The following PLCE1 variants were observed in gnomAD, a reference collection of about 807,000 sequenced individuals.
The protein encoded by PLCE1 is 1-phosphatidylinositol 4,5-bisphosphate phosphodiesterase epsilon-1.
A neutral mutation model predicts 242.8 loss-of-function variants in PLCE1; 119 were observed. That is an observed-to-expected ratio of 0.49 (90% CI 0.42 to 0.57). The LOEUF (loss-of-function observed/expected upper bound fraction) is 0.57, where lower values mean the gene tolerates loss of function less well. PLCE1 is among the 20% of genes least tolerant of loss of function. PLCE1 has a pLI of 0.00. For missense variants in PLCE1, 2,441 were observed against 2,788.8 expected (o/e 0.88, Z 2.81); for synonymous variants, 945 against 1,017.4 (o/e 0.93, Z 1.35).
chr10:94,327,158 C>G (rs1178493433), intron 32 of PLCE1, among the ~76,000 whole-genome samples: 1 of 152,180 alleles, frequency 6.6e-6, no homozygotes, highest in East Asian at 1.9e-4. Flanking sequence ...GAGACTCCGT[C>G]TCAAAACAAA....
chr10:94,298,991 T>C lies in PLCE1; in HGVS notation c.5458+322T>C, dbSNP rs2133543536. ...TTTAAAGCTCTTTTTGGAGCAGGGA[T>C]TTCCTAACACTGCCCAGTTAACCTG... On this transcript the variant is annotated intron_variant, in intron 24 of 32. Transcript: ENST00000371380. The surrounding 1 kb of genome is among the most constrained non-coding windows in gnomAD (Gnocchi z 5.2). Among the ~76,000 whole-genome samples the C allele has an allele frequency of 6.6e-6, 1 of 152,286 alleles. No homozygotes were observed. The highest frequency in any genetic ancestry group is 6.5e-5 in the Admixed American group (1 of 15,298).
chr10:94,270,815 A>G (rs926477479), intron 18 of PLCE1, among the ~76,000 whole-genome samples: 1 of 152,056 alleles, frequency 6.6e-6, no homozygotes, highest in Admixed American at 6.6e-5. Flanking sequence ...GATTACCAGC[A>G]TGCGCCCCCA....
At chr10:94,138,179 C>A in intron 3 of PLCE1, 1 of 374,378 alleles carries the variant, frequency 2.7e-6, no homozygotes, top group Admixed American at 3.2e-5. Context: ...CTGGCTTCTG[C>A]TAAGTCAATG....
At chr10:94,048,678 A>T (rs2043667993) in intron 2 of PLCE1, among the ~76,000 whole-genome samples, 1 of 146,792 alleles carries the variant, frequency 6.8e-6, no homozygotes, top group South Asian at 2.1e-4. Context: ...ATATATATTT[A>T]ATATATTTAT....
chr10:94,081,106 T>C (rs2044642290), intron 2 of PLCE1, among the ~76,000 whole-genome samples: 1 of 152,182 alleles, frequency 6.6e-6, no homozygotes, highest in Admixed American at 6.5e-5. Flanking sequence ...TCTAGTAAAG[T>C]TGAGCATTTT....
chr10:94,121,385 C>A (rs575513103), intron 2 of PLCE1, among the ~76,000 whole-genome samples: 1 of 152,254 alleles, frequency 6.6e-6, no homozygotes, highest in African/African-American at 2.4e-5. Flanking sequence ...AGGAGGGGCT[C>A]CATCACCTTC....
intron 4 of PLCE1, among the ~76,000 whole-genome samples, chr10:94,177,509 T>C (rs2048162109): frequency 6.6e-6 from 1 of 152,214 alleles, no homozygotes; most frequent in Non-Finnish European, 1.5e-5. Flanking sequence ...CTTCCCGAAC[T>C]TTCTTAATCT....
At chr10:94,119,336 G>C (rs1001678938) in intron 2 of PLCE1, among the ~76,000 whole-genome samples, 1 of 152,010 alleles carries the variant, frequency 6.6e-6, no homozygotes, top group Non-Finnish European at 1.5e-5. Flanking sequence ...ATGTCCTCAG[G>C]CATATGAGAT....
rs547474775 is a variant in PLCE1 at position 94,273,504 on chromosome 10, A to G, written c.4507-58A>G. On this transcript the variant is annotated intron_variant, in intron 18 of 32. Transcript: ENST00000371380. ...TCTACTATGTTTATGAAGTGTACATATATTTATCAATTATAGATAAAAGGC... is the reference window on the plus strand; with the variant it reads ...TCTACTATGTTTATGAAGTGTACATGTATTTATCAATTATAGATAAAAGGC... The G allele has an allele frequency of 6.7e-5, 95 of 1,427,454 alleles. 1 individual carries two copies. The African/African-American group carries it at 1.1e-3, about 16-fold the overall frequency. 88.4% of individuals were successfully genotyped at this position (1,427,454 alleles called of 1,614,324 possible).
At chr10:94,103,819 G>A (rs1342854809) in intron 2 of PLCE1, among the ~76,000 whole-genome samples, 1 of 150,240 alleles carries the variant, frequency 6.7e-6, no homozygotes, top group Admixed American at 6.6e-5. Context: ...AAATGGGTTC[G>A]AATAACTCAA....
intron 2 of PLCE1, among the ~76,000 whole-genome samples, chr10:94,075,370 C>T (rs1285058371): frequency 1.3e-5 from 2 of 152,160 alleles, no homozygotes; most frequent in African/African-American, 4.8e-5. Context: ...AAATATTGGG[C>T]TAGTAGAATT....
intron 2 of PLCE1, among the ~76,000 whole-genome samples, chr10:94,103,817 T>A (rs915341813): frequency 6.6e-6 from 1 of 150,512 alleles, no homozygotes; most frequent in Non-Finnish European, 1.5e-5. Flanking sequence ...TAAAATGGGT[T>A]CGAATAACTC....
At chr10:93,994,424 A>C (rs2060781557) in intron 1 of PLCE1, among the ~76,000 whole-genome samples, 166 bp downstream of exon 1, 3 of 152,240 alleles carry the variant, frequency 2.0e-5, no homozygotes, top group African/African-American at 7.2e-5. Context: ...GCGGTCCTCC[A>C]GGGCATGCAG....
At chr10:94,082,806 T>C (rs977837139) in intron 2 of PLCE1, among the ~76,000 whole-genome samples, 37 of 152,144 alleles carry the variant, frequency 2.4e-4, no homozygotes, top group African/African-American at 8.7e-4. Context: ...ATCCAAGCAA[T>C]AAAATAATTA....
At chr10:93,999,712 C>T (rs963056156) in intron 1 of PLCE1, among the ~76,000 whole-genome samples, 1 of 151,692 alleles carries the variant, frequency 6.6e-6, no homozygotes, top group Non-Finnish European at 1.5e-5. Context: ...CCGCCTCGCT[C>T]ACCACAGACC....
chr10:94,305,277 CA>C (rs969669580), intron 25 of PLCE1, among the ~76,000 whole-genome samples: 1 of 151,842 alleles, frequency 6.6e-6, no homozygotes, highest in Admixed American at 6.6e-5. Context: ...AAAAAAATAA[CA>C]AAAAAAATTA....
intron 2 of PLCE1, among the ~76,000 whole-genome samples, chr10:94,093,825 G>C (rs553883168): frequency 1.3e-5 from 2 of 152,188 alleles, no homozygotes; most frequent in Admixed American, 1.3e-4. Flanking sequence ...CAGGATTTGT[G>C]CTGGGTAAGA....
intron 1 of PLCE1, among the ~76,000 whole-genome samples, chr10:93,999,782 CA>C (rs2060898919): frequency 6.6e-6 from 1 of 152,330 alleles, no homozygotes; most frequent in East Asian, 1.9e-4. Flanking sequence ...GGATTTGCCT[CA>C]TTCCTGACTC....
chr10:94,207,549 GTGTGTA>G (rs2049198916), intron 4 of PLCE1, among the ~76,000 whole-genome samples: 1 of 135,690 alleles, frequency 7.4e-6, no homozygotes, highest in African/African-American at 2.8e-5. Flanking sequence ...GTGTGTGTGT[GTGTGTA>G]TAGACTTTTT....
Sources: gnomAD v4.1 joint callset for allele counts (sites outside exome capture counted in the v4.1 genomes callset) on GRCh38, gnomAD v4.1.1 for gene constraint, Gnocchi (gnomAD v3.1) non-coding constraint, MANE v1.5 for transcripts, NCBI Gene and HGNC (gene_info 2026-07-23, HGNC 2026-07-21) for gene names.